DCUN1D5: variants seen among roughly 807,000 people sequenced by gnomAD.
The protein encoded by DCUN1D5 is defective in cullin neddylation 1 domain containing 5, also known as DCN1-like protein 5.
Under a neutral mutation model 38.3 loss-of-function variants are expected in DCUN1D5, and 10 were observed. The ratio of observed to expected loss-of-function variants is 0.26; its 90% CI spans 0.16 to 0.44. The LOEUF is 0.44. Ranked by LOEUF, DCUN1D5 falls within the 20% of genes least tolerant of loss-of-function variation. DCUN1D5 has a pLI of 1.00. For synonymous variants in DCUN1D5, 93 were observed against 90.9 expected (o/e 1.02, Z -0.13); for missense variants, 148 against 275.3 (o/e 0.54, Z 3.27).
chr11:103,088,569 T>C (rs1054946524), intron 2 of DCUN1D5, among the ~76,000 whole-genome samples: 2 of 152,208 alleles, frequency 1.3e-5, no homozygotes, highest in Non-Finnish European at 2.9e-5. Flanking sequence ...GAGGTTAAGT[T>C]AGCTCCTCTA....
chr11:103,074,790 G>A (rs1242654277), intron 4 of DCUN1D5, among the ~76,000 whole-genome samples: 1 of 152,180 alleles, frequency 6.6e-6, no homozygotes, highest in African/African-American at 2.4e-5. Context: ...TAACCACAGA[G>A]TTGTCTTATG....
chr11:103,076,790 C>T (rs573105192), intron 4 of DCUN1D5, among the ~76,000 whole-genome samples: 14 of 152,228 alleles, frequency 9.2e-5, no homozygotes, highest in Admixed American at 4.6e-4. Context: ...TCTTTTGAGG[C>T]AAATGGATTA....
chr11:103,082,614 C>A (rs558536713), intron 4 of DCUN1D5, 134 bp downstream of exon 4: 8 of 647,414 alleles, frequency 1.2e-5, no homozygotes, highest in African/African-American at 1.1e-4. Context: ...TTTTTTCAAT[C>A]CCCAAACTAA....
At chr11:103,067,969 G>GT (rs1287663455) in intron 4 of DCUN1D5, among the ~76,000 whole-genome samples, 1 of 152,076 alleles carries the variant, frequency 6.6e-6, no homozygotes, top group Non-Finnish European at 1.5e-5. Context: ...CCAAACTCAG[G>GT]TGAGTATTGA....
chr11:103,070,828 C>G (rs1002689021), intron 4 of DCUN1D5, among the ~76,000 whole-genome samples: 2 of 152,048 alleles, frequency 1.3e-5, no homozygotes, highest in African/African-American at 4.8e-5. Flanking sequence ...GAGACATAAA[C>G]CCCTTAACAG....
intron 4 of DCUN1D5, among the ~76,000 whole-genome samples, chr11:103,070,648 C>A (rs995710384): frequency 5.3e-5 from 8 of 152,056 alleles, no homozygotes; most frequent in African/African-American, 1.9e-4. Context: ...TTCACCACCC[C>A]TTTTCCAGCA....
chr11:103,076,191 A>G (rs544786307), intron 4 of DCUN1D5, among the ~76,000 whole-genome samples: 4 of 152,366 alleles, frequency 2.6e-5, no homozygotes, highest in Admixed American at 2.0e-4. Context: ...CTGTCATAGC[A>G]TAACACAGGA....
chr11:103,088,558 T>G (rs1018725490), intron 2 of DCUN1D5, among the ~76,000 whole-genome samples: 9 of 152,216 alleles, frequency 5.9e-5, no homozygotes, highest in African/African-American at 2.2e-4. Flanking sequence ...AAGATTTAGC[T>G]GAGGTTAAGT....
rs536608511 is a variant in DCUN1D5, at chr11:103,066,252, C to T, written c.555+17G>A. On this transcript the variant is annotated intron_variant, in intron 6 of 7. Coordinates refer to ENST00000260247, the MANE Select transcript of DCUN1D5 (RefSeq NM_032299.4). The surrounding 1 kb of genome is among the most constrained non-coding windows in gnomAD (Gnocchi z 4.7). ...GTTTTAAAATAATATTTTCAAAATTCGAAAAAACATACGTACCTCCAGGTA... is the reference window on the plus strand; with the variant it reads ...GTTTTAAAATAATATTTTCAAAATTTGAAAAAACATACGTACCTCCAGGTA... The T allele has an allele frequency of 1.6e-5, 24 of 1,465,506 alleles. No individual in the cohort carries two copies. In the South Asian group the frequency reaches 2.1e-4, roughly 13 times the overall value. The allele number at this position is 1,465,506 out of a possible 1,614,324, so 90.8% of individuals were successfully genotyped here.
chr11:103,061,781 G>C lies in DCUN1D5; in HGVS notation c.*578C>G, dbSNP rs1862017546. Among the ~76,000 whole-genome samples the C allele has an allele frequency of 6.6e-6, 1 of 151,954 alleles. No homozygotes were observed. Among genetic ancestry groups the C allele is most frequent in the Admixed American group, 6.6e-5 (1 of 15,240 alleles). ...TCTCTGAGATAAGACATCTGCATAA[G>C]ACCTTGGCAGCTTTTATAGAAACCC... is the stretch of plus-strand genomic sequence containing the variant. On this transcript the variant is annotated 3_prime_UTR_variant, in exon 8 of 8. Coordinates refer to ENST00000260247, the MANE Select transcript of DCUN1D5 (RefSeq NM_032299.4).
rs1862278784 is a variant in DCUN1D5 at position 103,071,771 on chromosome 11, C to T, written c.342-5204G>A. 6.6e-6 allele frequency among the ~76,000 whole-genome samples: 1 copy of T among 150,838 alleles called. No homozygotes were observed. The highest frequency in any genetic ancestry group is 2.1e-4 in the South Asian group (1 of 4,812). ...ACCTGTTATTATTAACGAAATTGAA[C>T]TCAAAATTTTTAAACTTTCAAAAAA... On this transcript the variant is annotated intron_variant, in intron 4 of 7. Coordinates refer to ENST00000260247, the MANE Select transcript of DCUN1D5 (RefSeq NM_032299.4). The surrounding 1 kb of genome is among the most constrained non-coding windows in gnomAD (Gnocchi z 4.1).
intron 1 of DCUN1D5, among the ~76,000 whole-genome samples, chr11:103,090,914 AAAAAC>A (rs775355208): frequency 8.5e-5 from 13 of 152,212 alleles, no homozygotes; most frequent in Non-Finnish European, 1.9e-4. Flanking sequence ...TCCGTCTCAG[AAAAAC>A]AAAACAAAAC....
At chr11:103,068,838 TA>T (rs34458894) in intron 4 of DCUN1D5, among the ~76,000 whole-genome samples, 45,279 of 144,960 alleles carry the variant, frequency 0.31, 7,140 homozygotes, top group African/African-American at 0.44. Flanking sequence ...ACCTAAAAAT[TA>T]AAAAAAAAAA....
chr11:103,082,931 C>T (rs1301187676), intron 3 of DCUN1D5, 92 bp from the exon 4 acceptor site: 2 of 901,860 alleles, frequency 2.2e-6, no homozygotes, highest in East Asian at 2.5e-5. Flanking sequence ...TACACAACTA[C>T]TTCCATCCTT....
rs909184285 is a variant in DCUN1D5 at position 103,083,634 on chromosome 11, T to C, written c.179-308A>G. On this transcript the variant is annotated intron_variant, in intron 2 of 7. Transcript: ENST00000260247. This position sits in a 1 kb window ranked among gnomAD's most constrained non-coding sequence, Gnocchi z 4.4. ...CCAATCCATTAAAAAAAAAATTCAC[T>C]GAGAGCCTACTCTGAATAAAATTTT... 5.9e-5 allele frequency among the ~76,000 whole-genome samples: 9 copies of C among 151,738 alleles called. No individual in the cohort carries two copies. Among genetic ancestry groups the C allele is most frequent in the African/African-American group, 2.2e-4 (9 of 41,340 alleles).
At position 103,054,073 on chromosome 11, in the gene DCUN1D5, C is replaced by T. The variant is rs1363322814; in HGVS notation, c.*8286G>A. 1.3e-5 allele frequency: 2 copies of T among 152,078 alleles called. No homozygotes were observed. The highest frequency in any genetic ancestry group is 2.9e-5 in the Non-Finnish European group (2 of 67,988). 9.4% of individuals were successfully genotyped at this position (152,078 alleles called of 1,614,324 possible). ...CCAGGTGAAAAGCAGGAAAAAGAAC[C>T]TCATTCCAGAAGGTTCCATTTCATG... is the stretch of plus-strand genomic sequence containing the variant. On this transcript the variant is annotated 3_prime_UTR_variant, in exon 8 of 8. Transcript: ENST00000260247.
At position 103,071,536 on chromosome 11, in the gene DCUN1D5, A is replaced by G. The variant is rs987058940; in HGVS notation, c.342-4969T>C. On this transcript the variant is annotated intron_variant, in intron 4 of 7. Transcript: ENST00000260247. This position sits in a 1 kb window ranked among gnomAD's most constrained non-coding sequence, Gnocchi z 4.1. The stretch of plus-strand genomic sequence containing the variant: ...TATCTATATGATCTATAATCTATAT[A>G]TAGATATTTTATATCTATTGATTTA... Among the ~76,000 whole-genome samples the G allele has an allele frequency of 6.7e-6, 1 of 149,718 alleles. No individual in the cohort carries two copies. Among genetic ancestry groups the G allele is most frequent in the Non-Finnish European group, 1.5e-5 (1 of 67,470 alleles).
intron 4 of DCUN1D5, among the ~76,000 whole-genome samples, chr11:103,076,959 A>C (rs1041587540): frequency 1.2e-4 from 19 of 152,230 alleles, no homozygotes; most frequent in African/African-American, 4.6e-4. Flanking sequence ...AGTACTTTGG[A>C]AGGTCGAGGC....
In DCUN1D5 at chr11:103,078,749, C is replaced by A. The variant is rs533891194; in HGVS notation, c.341+3999G>T. 6.6e-6 allele frequency among the ~76,000 whole-genome samples: 1 copy of A among 152,282 alleles called. No homozygotes were observed. Among genetic ancestry groups the A allele is most frequent in the Non-Finnish European group, 1.5e-5 (1 of 68,022 alleles). On this transcript the variant is annotated intron_variant, in intron 4 of 7. Coordinates refer to ENST00000260247, the MANE Select transcript of DCUN1D5 (RefSeq NM_032299.4). The surrounding 1 kb of genome is among the most constrained non-coding windows in gnomAD (Gnocchi z 4.6). The stretch of plus-strand genomic sequence containing the variant: ...TTCCTTCAAACATATGCTTTCCTTC[C>A]TCAAGGTCCTGCTCACAATTTCCCT...
Sources: allele counts gnomAD v4.1 joint callset (sites outside exome capture counted in the v4.1 genomes callset), GRCh38; gene constraint gnomAD v4.1.1; non-coding constraint Gnocchi (gnomAD v3.1); transcripts MANE v1.5; gene names NCBI Gene and HGNC (gene_info 2026-07-23, HGNC 2026-07-21).